The following LYRM4 variants were observed in gnomAD, a reference collection of about 807,000 sequenced individuals.
LYRM4 encodes the protein LYR motif-containing protein 4.
A neutral mutation model predicts 11.7 loss-of-function variants in LYRM4; 9 were observed. That is an observed-to-expected ratio of 0.77 (90% CI 0.46 to 1.34). The LOEUF (loss-of-function observed/expected upper bound fraction) is 1.34, where lower values mean the gene tolerates loss of function less well. Ranked by LOEUF, LYRM4 falls within the 40% of genes most tolerant of loss-of-function variation. The pLI is 0.00. For synonymous variants in LYRM4, 42 were observed against 40.4 expected (o/e 1.04, Z -0.15); for missense variants, 133 against 112.5 (o/e 1.18, Z -0.82).
At chr6:5,107,623 T>C (rs898773201), downstream of LYRM4, 2 of 152,082 alleles carry the variant, frequency 1.3e-5, no homozygotes, top group African/African-American at 4.8e-5. Context: ...CTCCCCCAAT[T>C]AGGGCTTTGC....
chr6:5,146,854 A>G (rs1324535814), intron 2 of LYRM4, among the ~76,000 whole-genome samples: 1 of 152,236 alleles, frequency 6.6e-6, no homozygotes, highest in East Asian at 1.9e-4. Context: ...GTGGGCAGAC[A>G]CACTGTTACA....
chr6:5,091,225 G>A, the LYRM4 span, among the ~76,000 whole-genome samples: 1 of 152,214 alleles, frequency 6.6e-6, no homozygotes, highest in East Asian at 1.9e-4. Context: ...GCTGGGAACA[G>A]CTGACAATCC....
chr6:5,086,528 C>T, the LYRM4 span: 47 of 1,531,386 alleles, frequency 3.1e-5, no homozygotes, highest in Non-Finnish European at 3.8e-5. Context: ...GCCAACTACA[C>T]GCTGCGCTAC....
At chr6:5,145,278 G>A (rs1310627378) in intron 2 of LYRM4, among the ~76,000 whole-genome samples, 1 of 152,206 alleles carries the variant, frequency 6.6e-6, no homozygotes, top group African/African-American at 2.4e-5. Context: ...AGAAAGTGCA[G>A]TTTCGGTGAG....
intron 2 of LYRM4, among the ~76,000 whole-genome samples, chr6:5,157,568 A>G (rs1336778740): frequency 6.6e-6 from 1 of 152,142 alleles, no homozygotes; most frequent in African/African-American, 2.4e-5. Context: ...CCTTAATGAC[A>G]GAAGGAATCA....
chr6:5,148,485 T>C (rs200871), intron 2 of LYRM4, among the ~76,000 whole-genome samples: 87,933 of 140,934 alleles, frequency 0.62, 26,328 homozygotes, highest in East Asian at 0.83. Context: ...GGGGCAGAGT[T>C]AGAACTCTGT....
intron 1 of LYRM4, among the ~76,000 whole-genome samples, chr6:5,243,603 T>C (rs1194811126): frequency 6.9e-6 from 1 of 145,168 alleles, no homozygotes; most frequent in Non-Finnish European, 1.5e-5. Context: ...AATAATTACA[T>C]GCCTGAAGTA....
At chr6:5,100,754 T>C (rs1489360200), downstream of LYRM4, among the ~76,000 whole-genome samples, 1 of 152,200 alleles carries the variant, frequency 6.6e-6, no homozygotes, top group Non-Finnish European at 1.5e-5. Context: ...TGGACGTGTG[T>C]TCCTGTTAAG....
the LYRM4 span, among the ~76,000 whole-genome samples, chr6:5,094,975 A>G: frequency 2.1e-4 from 32 of 152,350 alleles, no homozygotes; most frequent in African/African-American, 7.2e-4. Flanking sequence ...AAGTAGCCAG[A>G]AGAGAAAATT....
chr6:5,134,833 G>A (rs577945518), intron 2 of LYRM4, among the ~76,000 whole-genome samples: 8 of 133,816 alleles, frequency 6.0e-5, no homozygotes, highest in Admixed American at 4.2e-4. Flanking sequence ...GTCATCAAAT[G>A]TCTATTTAAG....
At chr6:5,156,570 C>T (rs928171371) in intron 2 of LYRM4, among the ~76,000 whole-genome samples, 4 of 152,314 alleles carry the variant, frequency 2.6e-5, no homozygotes, top group African/African-American at 4.8e-5. Context: ...CGGGGCTGCC[C>T]GTGCATCTTG....
chr6:5,118,120 T>TTTTGTTTTG lies in LYRM4; in HGVS notation c.208-8630_208-8629insCAAAACAAA, dbSNP rs1204416120. ...TTTTTGTTTTGTTTTGTTTTGTTTT[T>TTTTGTTTTG]TTTTTTGAGACAGAGTCTCACTCTG... On this transcript the variant is annotated intron_variant, in intron 2 of 2. Coordinates refer to ENST00000330636, the MANE Select transcript of LYRM4 (RefSeq NM_020408.6). 1.1e-3 allele frequency among the ~76,000 whole-genome samples: 85 copies of TTTTGTTTTG among 79,266 alleles called. 1 individual carries two copies. In the Middle Eastern group the frequency reaches 0.031, roughly 29 times the overall value. The allele number at this position is 79,266 out of a possible 152,430, so 52.0% of individuals were successfully genotyped here.
At chr6:5,097,110 A>G in the LYRM4 span, among the ~76,000 whole-genome samples, 2 of 152,238 alleles carry the variant, frequency 1.3e-5, no homozygotes, top group African/African-American at 4.8e-5. Flanking sequence ...GTGGAGTCCA[A>G]GGTGAAGGAG....
intron 2 of LYRM4, among the ~76,000 whole-genome samples, chr6:5,166,539 T>C (rs528800269): frequency 2.0e-4 from 31 of 152,236 alleles, no homozygotes; most frequent in Non-Finnish European, 3.5e-4. Context: ...CTTGTCCTAT[T>C]TGTTCTAGGA....
At chr6:5,167,990 CG>C (rs1293960603) in intron 2 of LYRM4, among the ~76,000 whole-genome samples, 6 of 151,576 alleles carry the variant, frequency 4.0e-5, no homozygotes, top group Non-Finnish European at 7.4e-5. Flanking sequence ...GACACAGGAA[CG>C]GGGTTGCAAG....
At chr6:5,194,521 G>A (rs975166452) in intron 2 of LYRM4, among the ~76,000 whole-genome samples, 3 of 152,164 alleles carry the variant, frequency 2.0e-5, no homozygotes, top group African/African-American at 7.2e-5. Context: ...CCTCTTCTTC[G>A]AGGTGGGACA....
chr6:5,220,942 C>T (rs1200143709), intron 1 of LYRM4, among the ~76,000 whole-genome samples: 4 of 152,102 alleles, frequency 2.6e-5, no homozygotes, highest in Non-Finnish European at 2.9e-5. Context: ...ACGATCCTTC[C>T]GCCTCACCCT....
At chr6:5,146,798 A>G (rs1370216843) in intron 2 of LYRM4, among the ~76,000 whole-genome samples, 1 of 152,054 alleles carries the variant, frequency 6.6e-6, no homozygotes, top group Non-Finnish European at 1.5e-5. Context: ...GGGCTTTTCT[A>G]TTTTTACTGT....
chr6:5,146,695 G>T (rs907224550), intron 2 of LYRM4, among the ~76,000 whole-genome samples: 1 of 152,182 alleles, frequency 6.6e-6, no homozygotes, highest in African/African-American at 2.4e-5. Flanking sequence ...AGGAATAATT[G>T]CATACCACAA....
Sources: allele counts gnomAD v4.1 joint callset (sites outside exome capture counted in the v4.1 genomes callset), GRCh38; gene constraint gnomAD v4.1.1; transcripts MANE v1.5; gene names NCBI Gene and HGNC (gene_info 2026-07-23, HGNC 2026-07-21).